Variants in CHRM5 observed in about 807,000 individuals in gnomAD.
CHRM5 encodes the protein muscarinic acetylcholine receptor M5.
A neutral mutation model predicts 39.0 loss-of-function variants in CHRM5; 18 were observed. The observed-to-expected ratio is 0.46, with a 90% CI of 0.32 to 0.68. CHRM5 has a LOEUF of 0.68. Ranked by LOEUF, CHRM5 falls within the 30% of genes least tolerant of loss-of-function variation. CHRM5 has a pLI of 0.04. For missense variants in CHRM5, 515 were observed against 651.1 expected (o/e 0.79, Z 2.28); for synonymous variants, 241 against 246.3 (o/e 0.98, Z 0.20).
intron 1 of CHRM5, among the ~76,000 whole-genome samples, chr15:33,999,524 C>T (rs1897059554): frequency 6.6e-6 from 1 of 152,198 alleles, no homozygotes; most frequent in African/African-American, 2.4e-5. Flanking sequence ...AACTTACACA[C>T]CTCAGTTAAG....
At chr15:33,975,786 C>T (rs1487437458) in intron 1 of CHRM5, among the ~76,000 whole-genome samples, 1 of 152,036 alleles carries the variant, frequency 6.6e-6, no homozygotes, top group Non-Finnish European at 1.5e-5. Context: ...AAAAATTAGC[C>T]GGGCGTGGTG....
At chr15:34,023,948 G>A (rs1169435426) in intron 1 of CHRM5, among the ~76,000 whole-genome samples, 2 of 152,188 alleles carry the variant, frequency 1.3e-5, no homozygotes, top group African/African-American at 4.8e-5. Flanking sequence ...AGCCCAGAGA[G>A]TGGATTTGAT....
At chr15:34,049,258 T>A (rs889590369) in intron 2 of CHRM5, among the ~76,000 whole-genome samples, 13 of 152,180 alleles carry the variant, frequency 8.5e-5, no homozygotes, top group Non-Finnish European at 1.8e-4. Flanking sequence ...CAAACTTCAC[T>A]GAGCTAAAGG....
chr15:34,038,808 C>T (rs1388062150), intron 1 of CHRM5: 4 of 1,193,372 alleles, frequency 3.4e-6, no homozygotes, highest in African/African-American at 1.6e-5. Flanking sequence ...GCCCCAGCCT[C>T]CCGGCTCCCG....
chr15:34,015,352 G>A (rs550143363), intron 1 of CHRM5, among the ~76,000 whole-genome samples: 41 of 151,978 alleles, frequency 2.7e-4, no homozygotes, highest in Admixed American at 1.7e-3. Context: ...GTGCGGTGGC[G>A]GGCACCTGTA....
intron 1 of CHRM5, among the ~76,000 whole-genome samples, chr15:33,984,018 A>G (rs1282271512): frequency 6.6e-6 from 1 of 152,146 alleles, no homozygotes; most frequent in East Asian, 1.9e-4. Flanking sequence ...GAAAAGACTG[A>G]GAAACTGTCA....
intron 1 of CHRM5, among the ~76,000 whole-genome samples, chr15:34,039,526 TTAATC>T (rs1335366592): frequency 3.9e-5 from 6 of 152,220 alleles, no homozygotes; most frequent in Non-Finnish European, 7.3e-5. Flanking sequence ...TTTCCTCCGT[TTAATC>T]TAATTTTCAG....
intron 1 of CHRM5, among the ~76,000 whole-genome samples, chr15:34,042,510 C>A (rs568497682): frequency 2.0e-5 from 3 of 150,740 alleles, no homozygotes; most frequent in African/African-American, 7.3e-5. Flanking sequence ...AAGCGATTCT[C>A]CTGCCTCAGC....
chr15:33,968,828 T>A lies in CHRM5; in HGVS notation c.-730T>A, dbSNP rs1361751139. The A allele has an allele frequency of 6.6e-6, 1 of 152,116 alleles. No homozygotes were observed. Among genetic ancestry groups the A allele is most frequent in the Admixed American group, 6.6e-5 (1 of 15,254 alleles). The allele number at this position is 152,116 out of a possible 1,614,324, so 9.4% of individuals were successfully genotyped here. On this transcript the variant is annotated 5_prime_UTR_variant, in exon 1 of 3. Transcript: ENST00000383263. ...AATGCATATAGGAACAACCAGGATT[T>A]CTCATTGCTGAAGCATTCAATGAAT...
intron 1 of CHRM5, among the ~76,000 whole-genome samples, chr15:34,009,186 A>G (rs1897525276): frequency 6.6e-6 from 1 of 152,164 alleles, no homozygotes; most frequent in African/African-American, 2.4e-5. Flanking sequence ...AGTGAGGGTG[A>G]AAAAAAGACA....
chr15:34,038,281 T>C (rs1470066569), intron 1 of CHRM5, among the ~76,000 whole-genome samples: 1 of 152,194 alleles, frequency 6.6e-6, no homozygotes, highest in Non-Finnish European at 1.5e-5. Context: ...CTCAACAAAC[T>C]TTTTATTATG....
intron 1 of CHRM5, among the ~76,000 whole-genome samples, chr15:34,018,871 T>A (rs931002953): frequency 1.3e-4 from 19 of 147,000 alleles, no homozygotes; most frequent in African/African-American, 5.1e-4. Flanking sequence ...TCAGTGCATT[T>A]ATAATCCTTT....
intron 1 of CHRM5, among the ~76,000 whole-genome samples, chr15:34,012,613 T>C (rs1467317472): frequency 1.3e-5 from 2 of 152,216 alleles, no homozygotes; most frequent in Non-Finnish European, 2.9e-5. Context: ...TCTACCAGCG[T>C]AAGTCTGGTT....
At chr15:34,015,862 T>C (rs543849904) in intron 1 of CHRM5, among the ~76,000 whole-genome samples, 66 of 152,342 alleles carry the variant, frequency 4.3e-4, no homozygotes, top group African/African-American at 1.3e-3. Flanking sequence ...GAAAGAGTAA[T>C]TACCATTCGT....
At chr15:34,049,668 GA>G (rs1225530061) in intron 2 of CHRM5, among the ~76,000 whole-genome samples, 1 of 151,882 alleles carries the variant, frequency 6.6e-6, no homozygotes, top group African/African-American at 2.4e-5. Flanking sequence ...CGTTCAAATT[GA>G]AAAAATGCAG....
intron 2 of CHRM5, among the ~76,000 whole-genome samples, chr15:34,062,327 G>A (rs1210431089): frequency 6.6e-6 from 1 of 152,018 alleles, no homozygotes; most frequent in Non-Finnish European, 1.5e-5. Flanking sequence ...AGGCCGAGGC[G>A]GGTGGATCAC....
intron 1 of CHRM5, among the ~76,000 whole-genome samples, chr15:33,978,808 A>G (rs1243435226): frequency 6.6e-6 from 1 of 152,182 alleles, no homozygotes; most frequent in East Asian, 1.9e-4. Context: ...AGAAGGATAT[A>G]TTAATAAACC....
At position 34,064,476 on chromosome 15, in the gene CHRM5, G is replaced by A; in HGVS notation, c.*160G>A. 1.2e-6 allele frequency: 1 copy of A among 806,824 alleles called. No individual in the cohort carries two copies. Among genetic ancestry groups the A allele is most frequent in the Non-Finnish European group, 1.9e-6 (1 of 514,734 alleles). 50.0% of individuals were successfully genotyped at this position (806,824 alleles called of 1,614,324 possible). A position where few individuals can be genotyped will look rare whatever the true frequency, so the allele number is the denominator to read the frequency against. On this transcript the variant is annotated 3_prime_UTR_variant, in exon 3 of 3. Transcript: ENST00000383263. ...CAAGTTTGGTTGCCAAATGGAAGGGGCCATAGCTGCAGCAATTGCTGACAT... is the reference window on the plus strand; with the variant it reads ...CAAGTTTGGTTGCCAAATGGAAGGGACCATAGCTGCAGCAATTGCTGACAT...
rs140339478 is a variant in CHRM5 at position 34,049,091 on chromosome 15, G to T, written c.-76+2220G>T. ...GCTCAAAGGTAGATAAGCCCACAAA[G>T]ATGAGACAGATTCAACACAAAAATG... is the stretch of plus-strand genomic sequence containing the variant. On this transcript the variant is annotated intron_variant, in intron 2 of 2. Transcript: ENST00000383263. Among the ~76,000 whole-genome samples, 502 of 152,330 alleles carry T rather than the reference G, an allele frequency of 3.3e-3. 14 individuals are homozygous for T. Among genetic ancestry groups the T allele is most frequent in the Admixed American group, 0.031 (469 of 15,304 alleles).
Sources: gnomAD v4.1 joint callset for allele counts (sites outside exome capture counted in the v4.1 genomes callset) on GRCh38, gnomAD v4.1.1 for gene constraint, MANE v1.5 for transcripts, NCBI Gene and HGNC (gene_info 2026-07-23, HGNC 2026-07-21) for gene names.